RBFOX1: variants seen among roughly 807,000 people sequenced by gnomAD.
The protein encoded by RBFOX1 is RNA binding protein fox-1 homolog 1.
Under a neutral mutation model 57.7 loss-of-function variants are expected in RBFOX1, and 8 were observed. That is an observed-to-expected ratio of 0.14 (90% CI 0.08 to 0.25). RBFOX1 has a LOEUF of 0.25. Ranked by LOEUF, RBFOX1 falls within the 10% of genes least tolerant of loss-of-function variation. The pLI, the probability that RBFOX1 is intolerant of heterozygous loss-of-function variation, is 1.00. For missense variants in RBFOX1, 611 were observed against 548.5 expected, an observed-to-expected ratio of 1.11 and a Z score of -1.14; for synonymous variants, 326 against 222.4, an observed-to-expected ratio of 1.47 and a Z score of -4.15.
chr16:6,802,575 G>C (rs1567311198), intron 3 of RBFOX1, among the ~76,000 whole-genome samples: 2 of 152,276 alleles, frequency 1.3e-5, no homozygotes, highest in Admixed American at 1.3e-4. Context: ...TACTTGGGAG[G>C]GTGAGGCAGG....
intron 2 of RBFOX1, among the ~76,000 whole-genome samples, chr16:5,536,748 G>A (rs1390082311): frequency 6.6e-6 from 1 of 151,904 alleles, no homozygotes; most frequent in East Asian, 1.9e-4. Context: ...GCAGGTGGTT[G>A]AATGAGGGAT....
chr16:6,623,033 G>T (rs985198043), intron 2 of RBFOX1, among the ~76,000 whole-genome samples: 1 of 152,106 alleles, frequency 6.6e-6, no homozygotes, highest in Non-Finnish European at 1.5e-5. Context: ...AAGCCTCTTT[G>T]GCAAAAGACC....
intron 4 of RBFOX1, among the ~76,000 whole-genome samples, chr16:7,222,344 G>A (rs2092792297): frequency 6.6e-6 from 1 of 152,196 alleles, no homozygotes; most frequent in South Asian, 2.1e-4. Flanking sequence ...GGCTATATAG[G>A]TAGTTTATAT....
intron 2 of RBFOX1, among the ~76,000 whole-genome samples, chr16:6,606,561 C>G (rs1448406400): frequency 1.3e-5 from 2 of 152,152 alleles, no homozygotes; most frequent in East Asian, 1.9e-4. Flanking sequence ...GTTCCCCTCC[C>G]TGTGTCCATG....
intron 4 of RBFOX1, among the ~76,000 whole-genome samples, chr16:7,385,685 C>T (rs1453236843): frequency 1.3e-5 from 2 of 152,030 alleles, no homozygotes; most frequent in Admixed American, 6.6e-5. Flanking sequence ...ATGCAACTGG[C>T]AGATGACATC....
intron 3 of RBFOX1, among the ~76,000 whole-genome samples, chr16:5,727,436 G>A (rs1258610477): frequency 1.3e-5 from 2 of 152,106 alleles, no homozygotes; most frequent in Non-Finnish European, 2.9e-5. Context: ...ACTGTGAAAC[G>A]CTCACCACAA....
chr16:6,639,070 G>C (rs533363817), intron 2 of RBFOX1, among the ~76,000 whole-genome samples: 1 of 152,178 alleles, frequency 6.6e-6, no homozygotes, highest in Admixed American at 6.5e-5. Context: ...CTTAGCCATC[G>C]TTTCACTCAG....
At chr16:5,394,939 C>T (rs540015925) in intron 1 of RBFOX1, among the ~76,000 whole-genome samples, 1 of 152,222 alleles carries the variant, frequency 6.6e-6, no homozygotes, top group Non-Finnish European at 1.5e-5. Flanking sequence ...TGTGTCCAGC[C>T]GGCATGATTC....
intron 4 of RBFOX1, among the ~76,000 whole-genome samples, chr16:7,341,762 C>G (rs1263965965): frequency 4.7e-4 from 50 of 107,046 alleles, no homozygotes; most frequent in African/African-American, 1.9e-3. Flanking sequence ...CTCCTTCCCT[C>G]CTTCCCTCCC....
In RBFOX1 at chr16:6,717,196, A is replaced by C. The variant is rs555958291; in HGVS notation, c.-16+62546A>C. Among the ~76,000 whole-genome samples, 17 of 152,274 alleles carry C rather than the reference A, an allele frequency of 1.1e-4. No homozygotes were observed. The South Asian group carries it at 3.3e-3, about 30-fold the overall frequency. On this transcript the variant is annotated intron_variant, in intron 3 of 15. Transcript: ENST00000550418. ...GGTATTGTGTTACAGCAACTCGACT[A>C]AAATGGTGGGGAAAGCCAGTGTGAA...
At chr16:7,306,376 G>A (rs1474443044) in intron 4 of RBFOX1, among the ~76,000 whole-genome samples, 1 of 152,204 alleles carries the variant, frequency 6.6e-6, no homozygotes. Context: ...GCTCTGGAAA[G>A]GGGAGGCTTG....
Position 7,133,074 on chromosome 16 carries a change from A to T in RBFOX1, c.27+80976A>T, listed in dbSNP as rs544827557. ...TTTCTTGCGTTTCAGAAGTGACCTT[A>T]TTATGGCAAAACTATTTTTTGATAT... On this transcript the variant is annotated intron_variant, in intron 4 of 15. Coordinates refer to ENST00000550418, the MANE Select transcript of RBFOX1 (RefSeq NM_018723.4). Among the ~76,000 whole-genome samples the T allele has an allele frequency of 3.3e-5, 5 of 152,220 alleles. No individual in the cohort carries two copies. The Admixed American group carries it at 3.3e-4, about 10-fold the overall frequency.
At position 7,339,711 on chromosome 16, in the gene RBFOX1, A is replaced by G. The variant is rs1028748468; in HGVS notation, c.28-178436A>G. 1.8e-4 allele frequency among the ~76,000 whole-genome samples: 27 copies of G among 152,198 alleles called. 1 individual carries two copies. Among genetic ancestry groups the G allele is most frequent in the African/African-American group, 6.5e-4 (27 of 41,452 alleles). On this transcript the variant is annotated intron_variant, in intron 4 of 15. Transcript: ENST00000550418. ...CACTTCAGCCTCCCAAAATGCTGGG[A>G]TTACAGGTGCAAGCCACTGTGCCTG...
intron 1 of RBFOX1, among the ~76,000 whole-genome samples, chr16:6,099,484 C>A (rs768509259): frequency 2.6e-5 from 4 of 152,108 alleles, no homozygotes; most frequent in Non-Finnish European, 5.9e-5. Context: ...GGAATTAAAT[C>A]CATAGAGGCA....
chr16:7,688,641 T>C (rs2076646451), intron 14 of RBFOX1, among the ~76,000 whole-genome samples: 1 of 151,910 alleles, frequency 6.6e-6, no homozygotes, highest in Non-Finnish European at 1.5e-5. Flanking sequence ...GCTATGAGGG[T>C]GATATGCGGC....
Position 6,859,128 on chromosome 16 carries a change from T to C in RBFOX1, c.-15-192929T>C, listed in dbSNP as rs1183913812. Among the ~76,000 whole-genome samples, 221 of 77,138 alleles carry C rather than the reference T, an allele frequency of 2.9e-3. 9 individuals are homozygous for C. Among genetic ancestry groups the C allele is most frequent in the Middle Eastern group, 6.2e-3 (1 of 162 alleles). 50.6% of individuals were successfully genotyped at this position (77,138 alleles called of 152,430 possible). A position where few individuals can be genotyped will look rare whatever the true frequency, so the allele number is the denominator to read the frequency against. Reference sequence around the variant, plus strand: ...AAAAAAGTGTATATATATATATATATACATATATATACGTATATATATATG... The same window carrying C: ...AAAAAAGTGTATATATATATATATACACATATATATACGTATATATATATG... On this transcript the variant is annotated intron_variant, in intron 3 of 15. Coordinates refer to ENST00000550418, the MANE Select transcript of RBFOX1 (RefSeq NM_018723.4).
chr16:7,200,691 G>T (rs535017013), intron 4 of RBFOX1, among the ~76,000 whole-genome samples: 1 of 152,144 alleles, frequency 6.6e-6, no homozygotes, highest in African/African-American at 2.4e-5. Context: ...CCAAATTAAA[G>T]GATAATAATG....
chr16:5,386,675 A>T (rs2066267234), intron 1 of RBFOX1, among the ~76,000 whole-genome samples: 1 of 151,994 alleles, frequency 6.6e-6, no homozygotes, highest in Admixed American at 6.6e-5. Context: ...AGACTCCCAC[A>T]CATCCTCACT....
chr16:6,479,518 G>A (rs1407329111), intron 2 of RBFOX1, among the ~76,000 whole-genome samples: 1 of 151,902 alleles, frequency 6.6e-6, no homozygotes, highest in Non-Finnish European at 1.5e-5. Flanking sequence ...AATCTGGGAA[G>A]CAGAAGTTGC....
Sources: gnomAD v4.1 joint callset for allele counts (sites outside exome capture counted in the v4.1 genomes callset) on GRCh38, gnomAD v4.1.1 for gene constraint, MANE v1.5 for transcripts, NCBI Gene and HGNC (gene_info 2026-07-23, HGNC 2026-07-21) for gene names.